Variants in AASDHPPT observed in about 807,000 individuals in gnomAD.
AASDHPPT encodes the protein aminoadipate-semialdehyde dehydrogenase-phosphopantetheinyl transferase.
A neutral mutation model predicts 36.4 loss-of-function variants in AASDHPPT; 23 were observed. The observed-to-expected ratio is 0.63, with a 90% confidence interval of 0.45 to 0.89. The LOEUF (loss-of-function observed/expected upper bound fraction) is 0.89. AASDHPPT is among the 40% of genes least tolerant of loss of function. AASDHPPT has a pLI of 0.00. For missense variants in AASDHPPT, 377 were observed against 378.2 expected, an observed-to-expected ratio of 1.00 and a Z score of 0.03; for synonymous variants, 115 against 128.0, an observed-to-expected ratio of 0.90 and a Z score of 0.68.
chr11:106,080,337 G>A (rs534081770), intron 2 of AASDHPPT, among the ~76,000 whole-genome samples: 2 of 152,242 alleles, frequency 1.3e-5, no homozygotes, highest in South Asian at 2.1e-4. Context: ...ACCAACGGGC[G>A]ACTCTTTGTT....
At chr11:106,081,222 T>G (rs939173060) in intron 2 of AASDHPPT, among the ~76,000 whole-genome samples, 1 of 152,200 alleles carries the variant, frequency 6.6e-6, no homozygotes, top group Non-Finnish European at 1.5e-5. Context: ...GTCCTTACCT[T>G]GCATTTTCCT....
In AASDHPPT at chr11:106,098,085, G is replaced by A. The variant is rs941523891; in HGVS notation, c.*1178G>A. 1.3e-5 allele frequency: 2 copies of A among 151,994 alleles called. No homozygotes were observed. Among genetic ancestry groups the A allele is most frequent in the Non-Finnish European group, 2.9e-5 (2 of 67,944 alleles). 9.4% of individuals were successfully genotyped at this position (151,994 alleles called of 1,614,324 possible). ...TTTACCCCTCTAATTAGTACTATAT[G>A]TATGTGACTTCCCTCCCCCTGCCAG... is the stretch of plus-strand genomic sequence containing the variant. On this transcript the variant is annotated 3_prime_UTR_variant, in exon 6 of 6. Coordinates refer to ENST00000278618, the MANE Select transcript of AASDHPPT (RefSeq NM_015423.3).
chr11:106,092,918 G>T (rs1462027326), intron 4 of AASDHPPT: 1 of 152,132 alleles, frequency 6.6e-6, no homozygotes, highest in Non-Finnish European at 1.5e-5. Flanking sequence ...TGTTTGGTAG[G>T]TTAGGTGTAT....
rs538425433 is a variant in AASDHPPT, at chr11:106,096,500, G to T, written c.766-243G>T. 325 of 303,764 alleles carry T rather than the reference G, an allele frequency of 1.1e-3. 4 individuals carry two copies. The South Asian group carries it at 0.017, about 16-fold the overall frequency. 18.8% of individuals were successfully genotyped at this position (303,764 alleles called of 1,614,324 possible). On this transcript the variant is annotated intron_variant, in intron 5 of 5. Coordinates refer to ENST00000278618, the MANE Select transcript of AASDHPPT (RefSeq NM_015423.3). Reference sequence around the variant, plus strand: ...GATGTGGGGCCCAGTAAATCTACATGTAAAATACCACAGGTTTTTGTTATA... The same window carrying T: ...GATGTGGGGCCCAGTAAATCTACATTTAAAATACCACAGGTTTTTGTTATA...
intron 2 of AASDHPPT, among the ~76,000 whole-genome samples, chr11:106,085,293 G>A (rs893073813): frequency 4.6e-5 from 7 of 151,942 alleles, no homozygotes; most frequent in African/African-American, 1.2e-4. Flanking sequence ...AGTAGAGATG[G>A]GGTTTCACTG....
chr11:106,082,769 G>A (rs1382718389), intron 2 of AASDHPPT, among the ~76,000 whole-genome samples: 1 of 152,034 alleles, frequency 6.6e-6, no homozygotes, highest in Admixed American at 6.6e-5. Flanking sequence ...TGTTTTCCTG[G>A]TCTTCATCTT....
chr11:106,080,324 G>T (rs1861125211), intron 2 of AASDHPPT, among the ~76,000 whole-genome samples: 1 of 152,128 alleles, frequency 6.6e-6, no homozygotes. Flanking sequence ...GTCCCCAGTG[G>T]ATACCAACGG....
intron 5 of AASDHPPT, 52 bp downstream of exon 5, chr11:106,094,706 T>A: frequency 7.1e-7 from 1 of 1,417,302 alleles, no homozygotes; most frequent in Non-Finnish European, 9.7e-7. Flanking sequence ...CAATGTTAAG[T>A]TTGCTCTTTA....
chr11:106,092,386 T>C (rs1861264240), intron 4 of AASDHPPT: 2 of 152,108 alleles, frequency 1.3e-5, no homozygotes, highest in African/African-American at 4.8e-5. Flanking sequence ...AGAAAATAAA[T>C]GAGATGTTAA....
At chr11:106,094,878 C>T (rs1048820006) in intron 5 of AASDHPPT, among the ~76,000 whole-genome samples, 7 of 152,130 alleles carry the variant, frequency 4.6e-5, no homozygotes, top group African/African-American at 1.7e-4. Flanking sequence ...GTAATCCCAG[C>T]ACCTTGGGAG....
chr11:106,094,685 A>G, intron 5 of AASDHPPT, 31 bp downstream of exon 5: 1 of 1,518,076 alleles, frequency 6.6e-7, no homozygotes, highest in Non-Finnish European at 9.0e-7. Flanking sequence ...TTTTTTCTAA[A>G]TAGCATGAAT....
chr11:106,096,916 T>C lies in AASDHPPT; in HGVS notation c.*9T>C, dbSNP rs766169452. ...ATGGTACAAAGTCATGATGATTCCCTGAGTAACAAAGGGAAATGAAAACTG... is the reference window on the plus strand; with the variant it reads ...ATGGTACAAAGTCATGATGATTCCCCGAGTAACAAAGGGAAATGAAAACTG... On this transcript the variant is annotated 3_prime_UTR_variant, in exon 6 of 6. Coordinates refer to ENST00000278618, the MANE Select transcript of AASDHPPT (RefSeq NM_015423.3). The C allele has an allele frequency of 3.8e-6, 6 of 1,585,216 alleles. No individual in the cohort carries two copies. Among genetic ancestry groups the C allele is most frequent in the Non-Finnish European group, 5.1e-6 (6 of 1,169,222 alleles).
In AASDHPPT at chr11:106,096,923, C is replaced by T. The variant is rs1178844058; in HGVS notation, c.*16C>T. The T allele has an allele frequency of 6.4e-7, 1 of 1,571,326 alleles. No individual in the cohort carries two copies. The highest frequency in any genetic ancestry group is 1.4e-5 in the African/African-American group (1 of 72,208). On this transcript the variant is annotated 3_prime_UTR_variant, in exon 6 of 6. Transcript: ENST00000278618. ...AAAGTCATGATGATTCCCTGAGTAACAAAGGGAAATGAAAACTGTTTGTGA... is the reference window on the plus strand; with the variant it reads ...AAAGTCATGATGATTCCCTGAGTAATAAAGGGAAATGAAAACTGTTTGTGA...
Position 106,077,763 on chromosome 11 carries a change from G to GC in AASDHPPT, c.54dup (p.Trp19LeufsTer40). On this transcript the variant is annotated frameshift_variant, in exon 1 of 6. Coordinates refer to ENST00000278618, the MANE Select transcript of AASDHPPT (RefSeq NM_015423.3). LOFTEE classifies it high-confidence loss of function. ...TTGGTGCCATCCATGGAGGGCGTGC[G>GC]CTGGGCCTTTTCCTGCGGCACTTGG... The GC allele has an allele frequency of 6.2e-7, 1 of 1,614,134 alleles. No homozygotes were observed.
intron 3 of AASDHPPT, 27 bp downstream of exon 3, chr11:106,090,705 A>G (rs1861247223): frequency 4.4e-6 from 7 of 1,574,442 alleles, no homozygotes; most frequent in Non-Finnish European, 6.0e-6. Flanking sequence ...TTTTGAAAGC[A>G]AAAGTCTATA....
At chr11:106,091,620 A>ACTG in intron 4 of AASDHPPT, 143 bp downstream of exon 4, 1 of 724,636 alleles carries the variant, frequency 1.4e-6, no homozygotes, top group Non-Finnish European at 2.2e-6. Context: ...CAGGGCTACT[A>ACTG]TGAGAGCATG....
rs375795868 is a variant in AASDHPPT at position 106,085,413 on chromosome 11, A to G, written c.410-5144A>G. On this transcript the variant is annotated intron_variant, in intron 2 of 5. Transcript: ENST00000278618. ...ACTGCGCCTGGCCAGTTTTATTAAC[A>G]CTTACTAGAACACAATGTAATTGTA... 3.4e-4 allele frequency among the ~76,000 whole-genome samples: 52 copies of G among 152,314 alleles called. No individual in the cohort carries two copies. In the East Asian group the frequency reaches 9.5e-3, roughly 28 times the overall value.
intron 4 of AASDHPPT, chr11:106,092,569 T>C (rs1022839426): frequency 6.6e-6 from 1 of 152,076 alleles, no homozygotes; most frequent in Non-Finnish European, 1.5e-5. Flanking sequence ...GGAACAGCTA[T>C]ATATTGAATC....
rs768875145 is a variant in AASDHPPT at position 106,094,622 on chromosome 11, C to T, written c.733C>T (p.Leu245Phe). ...IDEHHFVAVA[L>F]RKPDGSRHQD... ...TGAGCACCATTTTGTTGCAGTTGCT[C>T]TTAGGAAACCCGATGGATCTAGACA... Residue 245 changes from leucine to phenylalanine, a missense_variant, in exon 5 of 6, where the codon CTT becomes TTT. Physicochemically the swap from Leu to Phe is conservative, Grantham distance 22. Transcript: ENST00000278618. 1.2e-6 allele frequency: 2 copies of T among 1,606,374 alleles called. No homozygotes were observed. The highest frequency in any genetic ancestry group is 2.7e-5 in the African/African-American group (2 of 74,608).
Sources: gnomAD v4.1 joint callset for allele counts (sites outside exome capture counted in the v4.1 genomes callset) on GRCh38, gnomAD v4.1.1 for gene constraint, MANE v1.5 for transcripts, NCBI Gene and HGNC (gene_info 2026-07-23, HGNC 2026-07-21) for gene names.